FGL1: variants seen among roughly 807,000 people sequenced by gnomAD.
FGL1 encodes fibrinogen like 1.
In FGL1, 59 loss-of-function variants were observed where a neutral mutation model predicts 43.7. The observed-to-expected ratio is 1.35, with a 90% CI of 1.10 to 1.68. The LOEUF (loss-of-function observed/expected upper bound fraction) is 1.68, where lower values mean the gene tolerates loss of function less well. Among genes scored for constraint, FGL1 ranks in the 40% most tolerant of loss-of-function variants. FGL1 has a pLI of 0.00. For missense variants in FGL1, 596 were observed against 373.0 expected (o/e 1.60, Z -4.92); for synonymous variants, 192 against 126.5 (o/e 1.52, Z -3.48).
chr8:17,888,260 C>T (rs1311092811), intron 1 of FGL1, among the ~76,000 whole-genome samples: 1 of 152,052 alleles, frequency 6.6e-6, no homozygotes, highest in Non-Finnish European at 1.5e-5. Context: ...TGCAAAGGAA[C>T]AGAAGTCGTG....
At position 17,887,696 on chromosome 8, in the gene FGL1, G is replaced by A. The variant is rs543680457; in HGVS notation, c.-17-2125C>T. Among the ~76,000 whole-genome samples the A allele has an allele frequency of 1.7e-3, 259 of 152,170 alleles. 2 individuals are homozygous for A. The highest frequency in any genetic ancestry group is 5.9e-3 in the African/African-American group (246 of 41,526). On this transcript the variant is annotated intron_variant, in intron 1 of 7. Transcript: ENST00000427924. The stretch of plus-strand genomic sequence containing the variant: ...TAAAAATACAAAAAATTAGCTAGGT[G>A]TGGTGGTGGGTGCCTGTAATCCCAG...
At chr8:17,889,794 C>T (rs1019257142) in intron 1 of FGL1, among the ~76,000 whole-genome samples, 2 of 152,164 alleles carry the variant, frequency 1.3e-5, no homozygotes, top group African/African-American at 4.8e-5. Context: ...GATGTTTGAA[C>T]ATTTCTGACT....
chr8:17,870,817 A>G (rs1488513099), intron 5 of FGL1, among the ~76,000 whole-genome samples: 2 of 151,924 alleles, frequency 1.3e-5, no homozygotes, highest in East Asian at 3.9e-4. Context: ...GAGGCAGGAG[A>G]ATTGCTTGAA....
At chr8:17,891,550 C>T in intron 1 of FGL1, 1 of 316,826 alleles carries the variant, frequency 3.2e-6, no homozygotes, top group Non-Finnish European at 4.6e-6. Context: ...GTACAAAGAC[C>T]CTATTTGCAA....
At chr8:17,871,380 G>T (rs550023338) in intron 5 of FGL1, among the ~76,000 whole-genome samples, 3 of 151,628 alleles carry the variant, frequency 2.0e-5, no homozygotes, top group South Asian at 2.1e-4. Flanking sequence ...TATAATCCCA[G>T]CTACTCAGGA....
At chr8:17,865,941 C>T (rs1444504852) in intron 7 of FGL1, among the ~76,000 whole-genome samples, 8 of 152,040 alleles carry the variant, frequency 5.3e-5, no homozygotes, top group East Asian at 3.9e-4. Context: ...CTTAAATGGA[C>T]GTAATTAATT....
At chr8:17,892,112 G>GT (rs2053713809) in intron 1 of FGL1, among the ~76,000 whole-genome samples, 1 of 151,964 alleles carries the variant, frequency 6.6e-6, no homozygotes, top group Admixed American at 6.6e-5. Context: ...TAGCTATGTT[G>GT]CTTTTTAAAT....
intron 3 of FGL1, among the ~76,000 whole-genome samples, chr8:17,879,079 A>G (rs969851094): frequency 2.0e-5 from 3 of 151,478 alleles, no homozygotes; most frequent in African/African-American, 7.3e-5. Context: ...TAATTAATAT[A>G]TGAAAAATAT....
intron 3 of FGL1, among the ~76,000 whole-genome samples, chr8:17,876,362 A>G (rs1428494233): frequency 1.3e-5 from 2 of 152,178 alleles, no homozygotes; most frequent in African/African-American, 4.8e-5. Flanking sequence ...AGAAGAGAAA[A>G]GAAAAGAAAG....
At chr8:17,871,323 G>A (rs1001853997) in intron 5 of FGL1, among the ~76,000 whole-genome samples, 3 of 151,798 alleles carry the variant, frequency 2.0e-5, no homozygotes, top group Non-Finnish European at 2.9e-5. Context: ...TGAGACCACC[G>A]TCTCTACTAA....
rs372636797 is a variant in FGL1, at chr8:17,870,671, C to G, written c.503-1667G>C. Among the ~76,000 whole-genome samples, 30 of 152,266 alleles carry G rather than the reference C, an allele frequency of 2.0e-4. No homozygotes were observed. The East Asian group carries it at 4.8e-3, about 24-fold the overall frequency. On this transcript the variant is annotated intron_variant, in intron 5 of 7. Transcript: ENST00000427924. ...GCTGCATATCCAAGTTCTATTCACA[C>G]CCAAGTTGGGTGGATTACAAGGTCA...
At chr8:17,887,510 A>G (rs1389165730) in intron 1 of FGL1, among the ~76,000 whole-genome samples, 1 of 152,210 alleles carries the variant, frequency 6.6e-6, no homozygotes, top group African/African-American at 2.4e-5. Flanking sequence ...TTCATATGAT[A>G]GCAATTAGTC....
intron 5 of FGL1, among the ~76,000 whole-genome samples, chr8:17,872,425 C>T (rs986050648): frequency 6.6e-6 from 1 of 151,066 alleles, no homozygotes; most frequent in African/African-American, 2.4e-5. Flanking sequence ...GCCTCAGCCT[C>T]CCAAGTGGCT....
intron 1 of FGL1, chr8:17,891,827 T>A (rs2053709381): frequency 2.0e-6 from 2 of 977,426 alleles, no homozygotes; most frequent in East Asian, 2.3e-4. Context: ...ACAACAAAAA[T>A]AACTACTCTT....
chr8:17,866,319 C>T (rs906662298), intron 7 of FGL1, among the ~76,000 whole-genome samples: 5 of 150,006 alleles, frequency 3.3e-5, no homozygotes, highest in Non-Finnish European at 5.9e-5. Context: ...AAAGAAAAGA[C>T]ATCAACTCGC....
At chr8:17,882,801 TTAAACAA>T in intron 2 of FGL1, 3 of 114,698 alleles carry the variant, frequency 2.6e-5, no homozygotes, top group African/African-American at 1.2e-4. Context: ...ATATAATATA[TTAAACAA>T]TATATAATAT....
intron 5 of FGL1, among the ~76,000 whole-genome samples, chr8:17,872,192 A>G (rs944564003): frequency 6.6e-6 from 1 of 152,136 alleles, no homozygotes; most frequent in African/African-American, 2.4e-5. Flanking sequence ...TTATCATTCT[A>G]GTGTCTCAAA....
In FGL1 at chr8:17,864,731, T is replaced by C; in HGVS notation, c.800A>G (p.Asn267Ser). ...WFNRCHSANL[N>S]GVYYSGPYTA... ...GTAGGGGCCGCTGTAGTATACACCA[T>C]TCAGGTTTGCAGAGTGACACCTAGT... The change falls in exon 8 of 8, where the codon AAT (asparagine) becomes AGT (serine). Residue 267 changes from asparagine (N) to serine (S), a missense_variant. Physicochemically the swap from Asn to Ser is conservative, Grantham distance 46 (BLOSUM62 1). Transcript: ENST00000427924. The C allele has an allele frequency of 1.9e-6, 3 of 1,556,934 alleles. No individual in the cohort carries two copies. The highest frequency in any genetic ancestry group is 2.6e-6 in the Non-Finnish European group (3 of 1,155,684).
At chr8:17,869,772 A>G (rs568563158) in intron 5 of FGL1, among the ~76,000 whole-genome samples, 35 of 152,338 alleles carry the variant, frequency 2.3e-4, no homozygotes, top group African/African-American at 8.2e-4. Context: ...CTCTGAGTAA[A>G]AAGGTATTTC....
Sources: gnomAD v4.1 joint callset for allele counts (sites outside exome capture counted in the v4.1 genomes callset) on GRCh38, gnomAD v4.1.1 for gene constraint, MANE v1.5 for transcripts, NCBI Gene and HGNC (gene_info 2026-07-23, HGNC 2026-07-21) for gene names.